The following PPP1R21 variants were observed in gnomAD, a reference collection of about 807,000 sequenced individuals.
The protein encoded by PPP1R21 is KLRAQ motif containing 1.
Under a neutral mutation model 112.8 loss-of-function variants are expected in PPP1R21, and 85 were observed. The ratio of observed to expected loss-of-function variants is 0.75; its 90% confidence interval spans 0.63 to 0.90. PPP1R21 has a LOEUF of 0.90. Among genes scored for constraint, PPP1R21 ranks in the 40% least tolerant of loss-of-function variants. PPP1R21 has a pLI of 0.00. For synonymous variants in PPP1R21, 381 were observed against 322.3 expected (o/e 1.18, Z -1.95); for missense variants, 1,199 against 901.5 (o/e 1.33, Z -4.23).
rs367966755 is a variant in PPP1R21, at chr2:48,507,395, G to A, written c.2085+10G>A. 1.9e-6 allele frequency: 3 copies of A among 1,592,328 alleles called. No homozygotes were observed. The highest frequency in any genetic ancestry group is 2.6e-6 in the Non-Finnish European group (3 of 1,173,086). On this transcript the variant is annotated intron_variant, in intron 19 of 21. Transcript: ENST00000294952. Reference sequence around the variant, plus strand: ...GCATTTTTATGCCGAGGTGAGTGTAGATTTAATTAGATTGGTGGTTTTTTT... The same window carrying A: ...GCATTTTTATGCCGAGGTGAGTGTAAATTTAATTAGATTGGTGGTTTTTTT...
intron 9 of PPP1R21, among the ~76,000 whole-genome samples, chr2:48,469,281 GTGTGTGTGTGTGTGTA>G (rs1403625209): frequency 0.011 from 516 of 46,436 alleles, 13 homozygotes; most frequent in Non-Finnish European, 0.018. Context: ...GTGTGTGTGT[GTGTGTGTGTGTGTGTA>G]TGTATATATA....
At chr2:48,501,169 C>G (rs760300111) in intron 17 of PPP1R21, among the ~76,000 whole-genome samples, 6 of 152,186 alleles carry the variant, frequency 3.9e-5, no homozygotes, top group Non-Finnish European at 8.8e-5. Flanking sequence ...GAGGGACATT[C>G]AACAAACAAA....
At chr2:48,453,759 G>A (rs1372374599) in intron 2 of PPP1R21, among the ~76,000 whole-genome samples, 1 of 152,122 alleles carries the variant, frequency 6.6e-6, no homozygotes, top group Admixed American at 6.5e-5. Flanking sequence ...ATTATTGTAG[G>A]ACAGCATATG....
At chr2:48,493,730 T>A (rs1426657375) in intron 15 of PPP1R21, among the ~76,000 whole-genome samples, 1 of 152,202 alleles carries the variant, frequency 6.6e-6, no homozygotes, top group Non-Finnish European at 1.5e-5. Context: ...GTTTATTTAG[T>A]CCATCTTTTC....
chr2:48,469,227 GGGGACACA>G (rs1260459050), intron 9 of PPP1R21, among the ~76,000 whole-genome samples: 2 of 147,204 alleles, frequency 1.4e-5, no homozygotes, highest in African/African-American at 5.0e-5. Flanking sequence ...AGATTTGGGT[GGGGACACA>G]GCCAAACCAT....
intron 13 of PPP1R21, among the ~76,000 whole-genome samples, chr2:48,481,872 CGTGA>C (rs575211011): frequency 3.5e-3 from 540 of 152,298 alleles, no homozygotes; most frequent in African/African-American, 0.012. Context: ...CTTGCCCTCA[CGTGA>C]CATGATAAAG....
intron 15 of PPP1R21, among the ~76,000 whole-genome samples, chr2:48,493,417 G>C (rs192814630): frequency 5.9e-5 from 9 of 152,266 alleles, no homozygotes; most frequent in Admixed American, 5.9e-4. Context: ...TGCTGTAATA[G>C]TTTTTCAAAA....
chr2:48,455,086 C>T (rs1053301889), intron 3 of PPP1R21, among the ~76,000 whole-genome samples: 2 of 152,078 alleles, frequency 1.3e-5, no homozygotes, highest in Non-Finnish European at 2.9e-5. Context: ...GATCCACCTG[C>T]CTCGGCCTCC....
intron 13 of PPP1R21, among the ~76,000 whole-genome samples, chr2:48,485,456 A>C (rs890619534): frequency 6.6e-6 from 1 of 152,158 alleles, no homozygotes; most frequent in African/African-American, 2.4e-5. Flanking sequence ...TTCTGTGACA[A>C]CTGTACCATA....
In PPP1R21 at chr2:48,507,914, C is replaced by T. The variant is rs190198284; in HGVS notation, c.2085+529C>T. Among the ~76,000 whole-genome samples the T allele has an allele frequency of 3.8e-4, 57 of 151,010 alleles. 2 individuals carry two copies. In the East Asian group the frequency reaches 0.01, roughly 27 times the overall value. On this transcript the variant is annotated intron_variant, in intron 19 of 21. Coordinates refer to ENST00000294952, the MANE Select transcript of PPP1R21 (RefSeq NM_001135629.3). ...CTGAGTAGCTGGGATTACAGGCACCCGCCATCATGCCTGGCTAATTTTTGT... is the reference window on the plus strand; with the variant it reads ...CTGAGTAGCTGGGATTACAGGCACCTGCCATCATGCCTGGCTAATTTTTGT...
chr2:48,464,971 C>G lies in PPP1R21; in HGVS notation c.729C>G (p.Leu243=). The change falls in exon 8 of 22, where the codon CTC becomes CTG. Residue 243 remains leucine, a synonymous_variant. Transcript: ENST00000294952. ...YSQYNALNVP[L]HNRRHQLKMR... ...AGTACAACGCTCTGAACGTTCCACT[C>G]CACAATAGGAGACACCAGGTAAAGG... 6.4e-7 allele frequency: 1 copy of G among 1,558,704 alleles called. No homozygotes were observed. The highest frequency in any genetic ancestry group is 8.6e-7 in the Non-Finnish European group (1 of 1,162,648).
chr2:48,499,159 C>G (rs1351155395), intron 17 of PPP1R21, among the ~76,000 whole-genome samples: 2 of 152,022 alleles, frequency 1.3e-5, no homozygotes, highest in African/African-American at 4.8e-5. Context: ...ACGCAGGCCA[C>G]AGTAACCATC....
chr2:48,440,818 G>A lies in PPP1R21; in HGVS notation c.-136G>A. Reference sequence around the variant, plus strand: ...CCGGAAGTGGAGGAGGAGGCGCGGCGGCGGCGGCGGCGGCGGCTGCGGTGG... The same window carrying A: ...CCGGAAGTGGAGGAGGAGGCGCGGCAGCGGCGGCGGCGGCGGCTGCGGTGG... On this transcript the variant is annotated 5_prime_UTR_variant, in exon 1 of 22. Transcript: ENST00000294952. 1.6e-6 allele frequency: 1 copy of A among 643,558 alleles called. No homozygotes were observed. The highest frequency in any genetic ancestry group is 1.9e-5 in the African/African-American group (1 of 51,476). The allele number at this position is 643,558 out of a possible 1,614,324, so 39.9% of individuals were successfully genotyped here. A position where few individuals can be genotyped will look rare whatever the true frequency, so the allele number is the denominator to read the frequency against.
chr2:48,441,212 G>C (rs1288638140), intron 1 of PPP1R21: 1 of 606,304 alleles, frequency 1.6e-6, no homozygotes, highest in Non-Finnish European at 3.0e-6. Context: ...CTGCGTCCGT[G>C]AGCGTTTTTG....
At chr2:48,489,701 C>T (rs1378004394) in intron 14 of PPP1R21, among the ~76,000 whole-genome samples, 1 of 151,764 alleles carries the variant, frequency 6.6e-6, no homozygotes, top group East Asian at 2.0e-4. Flanking sequence ...CCTGAGGTCA[C>T]GAGTTTGAGA....
chr2:48,491,927 C>T (rs1374692347), intron 15 of PPP1R21, among the ~76,000 whole-genome samples: 2 of 152,060 alleles, frequency 1.3e-5, no homozygotes, highest in African/African-American at 4.8e-5. Flanking sequence ...GGGAGCAGGA[C>T]TACTTATAGA....
intron 9 of PPP1R21, among the ~76,000 whole-genome samples, chr2:48,470,371 A>C (rs1305947293): frequency 6.6e-6 from 1 of 152,010 alleles, no homozygotes; most frequent in African/African-American, 2.4e-5. Flanking sequence ...TACAAAAATT[A>C]GCTGGGCGTA....
chr2:48,441,036 G>GGGTC (rs746459306), intron 1 of PPP1R21, 26 bp downstream of exon 1: 5 of 1,555,116 alleles, frequency 3.2e-6, no homozygotes, highest in Admixed American at 1.7e-5. Flanking sequence ...TGGGAGTAGG[G>GGGTC]GGTCCCCCGC....
chr2:48,469,323 ATATATATAGAG>A (rs1263148308), intron 9 of PPP1R21, among the ~76,000 whole-genome samples: 1 of 27,390 alleles, frequency 3.7e-5, no homozygotes, highest in African/African-American at 2.0e-4. Context: ...ACACACACAT[ATATATATAGAG>A]CATATATATA....
Sources: allele counts gnomAD v4.1 joint callset (sites outside exome capture counted in the v4.1 genomes callset), GRCh38; gene constraint gnomAD v4.1.1; transcripts MANE v1.5; gene names NCBI Gene and HGNC (gene_info 2026-07-23, HGNC 2026-07-21).